SLC12A5: variants seen among roughly 807,000 people sequenced by gnomAD.
SLC12A5 encodes solute carrier family 12 member 5, also known as K-Cl cotransporter 2.
SLC12A5 carries 18 observed loss-of-function variants against 124.0 expected under a neutral mutation model. That is an observed-to-expected ratio of 0.15 (90% CI 0.10 to 0.22). SLC12A5 has a LOEUF of 0.22. Among genes scored for constraint, SLC12A5 ranks in the 10% least tolerant of loss-of-function variants. The pLI is 1.00. For synonymous variants in SLC12A5, 589 were observed against 568.0 expected, an observed-to-expected ratio of 1.04 and a Z score of -0.53; for missense variants, 867 against 1,478.7, an observed-to-expected ratio of 0.59 and a Z score of 6.78.
intron 18 of SLC12A5, among the ~76,000 whole-genome samples, chr20:46,052,661 T>G (rs1224952596): frequency 6.6e-6 from 1 of 152,232 alleles, no homozygotes; most frequent in African/African-American, 2.4e-5. Context: ...TTGGGAGGAT[T>G]CAGTGTGGTC....
At chr20:46,031,613 C>T (rs1295345083) in intron 1 of SLC12A5, among the ~76,000 whole-genome samples, 3 of 152,212 alleles carry the variant, frequency 2.0e-5, no homozygotes, top group Admixed American at 2.0e-4. Flanking sequence ...TCTTCTTTCT[C>T]CTTGGGGTCT....
Position 46,034,963 on chromosome 20 carries a change from A to G in SLC12A5, c.68A>G (p.Lys23Arg). 1 of 1,614,052 alleles carries G rather than the reference A, an allele frequency of 6.2e-7. No individual in the cohort carries two copies. The highest frequency in any genetic ancestry group is 1.3e-5 in the African/African-American group (1 of 75,022). Residue 23 changes from lysine (K) to arginine (R), a missense_variant, in exon 2 of 26, where the codon AAG (lysine) becomes AGG (arginine). Lys to Arg is a conservative substitution (Grantham distance 26). This residue lies in a region of SLC12A5 where 58 missense variants were observed against 52.2 expected (regional missense o/e 1.11). Coordinates refer to ENST00000243964, the MANE Select transcript of SLC12A5 (RefSeq NM_020708.5). Reference protein sequence around the residue: ...GGANPGDGNPKESSPFINSTD... With the variant: ...GGANPGDGNPRESSPFINSTD... Reference sequence around the variant, plus strand: ...CCCTTCTCAGGTGATGGCAACCCCAAGGAAAGCAGTCCCTTCATCAACAGC... The same window carrying G: ...CCCTTCTCAGGTGATGGCAACCCCAGGGAAAGCAGTCCCTTCATCAACAGC...
At position 46,056,525 on chromosome 20, in the gene SLC12A5, T is replaced by G; in HGVS notation, c.3071T>G (p.Val1024Gly). 1.2e-6 allele frequency: 2 copies of G among 1,614,076 alleles called. No individual in the cohort carries two copies. The highest frequency in any genetic ancestry group is 1.7e-6 in the Non-Finnish European group (2 of 1,179,982). Residue 1024 changes from valine to glycine, a missense_variant, in exon 23 of 26, where the codon GTC becomes GGC. This residue lies in a region of SLC12A5 where 180 missense variants were observed against 243.6 expected (regional missense o/e 0.74). Coordinates refer to ENST00000243964, the MANE Select transcript of SLC12A5 (RefSeq NM_020708.5). The surrounding 1 kb of genome is among the most constrained non-coding windows in gnomAD (Gnocchi z 4.3). ...VAEKNKGPSP[V>G]SSEGIKDFFS... ...GAGAAGAATAAGGGCCCCAGTCCTGTCTCCTCTGAGGGCATCAAGGACTTC... is the reference window on the plus strand; with the variant it reads ...GAGAAGAATAAGGGCCCCAGTCCTGGCTCCTCTGAGGGCATCAAGGACTTC...
In SLC12A5 at chr20:46,029,686, T is replaced by C. The variant is rs1344383307; in HGVS notation, c.52+290T>C. ...AACCGAGGAGGCGGTGGGAAGGGGA[T>C]AGAAGACCTAGAATGGGCTGATGTG... is the stretch of plus-strand genomic sequence containing the variant. On this transcript the variant is annotated intron_variant, in intron 1 of 25. Coordinates refer to ENST00000243964, the MANE Select transcript of SLC12A5 (RefSeq NM_020708.5). Among the ~76,000 whole-genome samples, 3 of 152,184 alleles carry C rather than the reference T, an allele frequency of 2.0e-5. No individual in the cohort carries two copies. In the East Asian group the frequency reaches 5.8e-4, roughly 30 times the overall value.
rs559081195 is a variant in SLC12A5 at position 46,056,691 on chromosome 20, G to T, written c.3110+127G>T. 3 of 1,181,488 alleles carry T rather than the reference G, an allele frequency of 2.5e-6. No homozygotes were observed. The highest frequency in any genetic ancestry group is 2.4e-6 in the Non-Finnish European group (2 of 836,200). 73.2% of individuals were successfully genotyped at this position (1,181,488 alleles called of 1,614,324 possible). A position where few individuals can be genotyped will look rare whatever the true frequency, so the allele number is the denominator to read the frequency against. On this transcript the variant is annotated intron_variant, in intron 23 of 25. Transcript: ENST00000243964. This position sits in a 1 kb window ranked among gnomAD's most constrained non-coding sequence, Gnocchi z 4.3. ...GCAGACCCAGCTCAGACATTGTCTT[G>T]GTTTCTCCATCTGAGGACTTAGGGG... is the stretch of plus-strand genomic sequence containing the variant.
At position 46,045,256 on chromosome 20, in the gene SLC12A5, T is replaced by C; in HGVS notation, c.1569+116T>C. On this transcript the variant is annotated intron_variant, in intron 12 of 25. Transcript: ENST00000243964. The surrounding 1 kb of genome is among the most constrained non-coding windows in gnomAD (Gnocchi z 4.9). ...CTTAGACTACCTCCTGGGCCACTTC[T>C]GCTCTGTACTGCACTGGCCAGGCCT... The C allele has an allele frequency of 5.0e-6, 6 of 1,202,672 alleles. No individual in the cohort carries two copies. The South Asian group carries it at 9.4e-5, about 19-fold the overall frequency. 74.5% of individuals were successfully genotyped at this position (1,202,672 alleles called of 1,614,324 possible).
rs1234246697 is a variant in SLC12A5 at position 46,048,094 on chromosome 20, T to C, written c.2012+9T>C. The C allele has an allele frequency of 1.2e-6, 2 of 1,605,888 alleles. No homozygotes were observed. The highest frequency in any genetic ancestry group is 4.5e-5 in the East Asian group (2 of 44,704). On this transcript the variant is annotated intron_variant, in intron 16 of 25. Transcript: ENST00000243964. ...CACACCAAGAACTGGAGGTTAGTGG[T>C]GAGGGCACGGGTGTGCATAAGAGTG...
Position 46,045,132 on chromosome 20 carries a change from T to C in SLC12A5, c.1561T>C (p.Phe521Leu), listed in dbSNP as rs1227847406. Reference protein sequence around the residue: ...QAISRDGIVPFLQVFGHGKAN... With the variant: ...QAISRDGIVPLLQVFGHGKAN... ...CATCTCGAGGGATGGCATTGTGCCC[T>C]TCCTGCAGGTCAGTGTGGGAGAAGA... is the stretch of plus-strand genomic sequence containing the variant. The change falls in exon 12 of 26, where the codon TTC (phenylalanine) becomes CTC (leucine). Residue 521 changes from phenylalanine to leucine, a missense_variant. This residue lies in a region of SLC12A5 where 152 missense variants were observed against 358.7 expected (regional missense o/e 0.42). Coordinates refer to ENST00000243964, the MANE Select transcript of SLC12A5 (RefSeq NM_020708.5). This position sits in a 1 kb window ranked among gnomAD's most constrained non-coding sequence, Gnocchi z 4.9. The C allele has an allele frequency of 6.3e-7, 1 of 1,581,756 alleles. No individual in the cohort carries two copies. Among genetic ancestry groups the C allele is most frequent in the Non-Finnish European group, 8.6e-7 (1 of 1,164,878 alleles).
intron 6 of SLC12A5, 41 bp downstream of exon 6, chr20:46,037,426 CAG>C: frequency 6.3e-7 from 1 of 1,576,822 alleles, no homozygotes; most frequent in Non-Finnish European, 8.6e-7. Flanking sequence ...CCCAGGTTGT[CAG>C]TCAGTTAATC....
chr20:46,039,785 A>C (rs12480918), intron 6 of SLC12A5, among the ~76,000 whole-genome samples: 5,183 of 152,016 alleles, frequency 0.034, 185 homozygotes, highest in Admixed American at 0.12. Flanking sequence ...CAAAAAAAAA[A>C]CAAAAAAACC....
chr20:46,051,888 T>TG lies in SLC12A5; in HGVS notation c.2377+22dup. 1 of 340,860 alleles carries TG rather than the reference T, an allele frequency of 2.9e-6. No individual in the cohort carries two copies. Among genetic ancestry groups the TG allele is most frequent in the African/African-American group, 6.8e-5 (1 of 14,750 alleles). The allele number at this position is 340,860 out of a possible 1,614,324, so 21.1% of individuals were successfully genotyped here. A position where few individuals can be genotyped will look rare whatever the true frequency, so the allele number is the denominator to read the frequency against. The stretch of plus-strand genomic sequence containing the variant: ...CTTCATTGGTAACGCTATTGGGGGC[T>TG]GGGGACAGAAGAGGGGTGGGGCTGG... On this transcript the variant is annotated intron_variant, in intron 18 of 25. Transcript: ENST00000243964.
chr20:46,036,068 ACTGGTCCTTC>A, intron 4 of SLC12A5, 145 bp downstream of exon 4: 1 of 1,008,852 alleles, frequency 9.9e-7, no homozygotes, highest in South Asian at 1.9e-5. Context: ...ATTAGGCCTG[ACTGGTCCTTC>A]CTGCATCTCA....
intron 1 of SLC12A5, among the ~76,000 whole-genome samples, chr20:46,032,872 G>C (rs1337487189): frequency 6.6e-6 from 1 of 152,200 alleles, no homozygotes; most frequent in Non-Finnish European, 1.5e-5. Context: ...GCTCTTCTGA[G>C]ACCCTGGGGT....
In SLC12A5 at chr20:46,037,439, A is replaced by G. The variant is rs938432133; in HGVS notation, c.612+54A>G. 3.9e-6 allele frequency: 6 copies of G among 1,557,260 alleles called. No homozygotes were observed. The East Asian group carries it at 1.4e-4, about 36-fold the overall frequency. ...ACCCCAGGTTGTCAGTCAGTTAATC[A>G]GTGCTCCCTGGACACCTCCTATAGG... is the stretch of plus-strand genomic sequence containing the variant. On this transcript the variant is annotated intron_variant, in intron 6 of 25. Coordinates refer to ENST00000243964, the MANE Select transcript of SLC12A5 (RefSeq NM_020708.5).
Position 46,059,877 on chromosome 20 carries a change from T to C in SLC12A5, c.*2272T>C. The C allele has an allele frequency of 7.9e-6, 3 of 378,768 alleles. No individual in the cohort carries two copies. Among genetic ancestry groups the C allele is most frequent in the Non-Finnish European group, 1.4e-5 (3 of 213,760 alleles). The allele number at this position is 378,768 out of a possible 1,614,324, so 23.5% of individuals were successfully genotyped here. A position where few individuals can be genotyped will look rare whatever the true frequency, so the allele number is the denominator to read the frequency against. Reference sequence around the variant, plus strand: ...AATGCAATGAAGTTGAAAACCCTTGTAAATAGGAGAGGTTGCAAACCAAAT... The same window carrying C: ...AATGCAATGAAGTTGAAAACCCTTGCAAATAGGAGAGGTTGCAAACCAAAT... On this transcript the variant is annotated 3_prime_UTR_variant, in exon 26 of 26. Coordinates refer to ENST00000243964, the MANE Select transcript of SLC12A5 (RefSeq NM_020708.5).
At chr20:46,021,893 G>A (rs775004202) in intron 1 of SLC12A5, 1 of 1,521,436 alleles carries the variant, frequency 6.6e-7, no homozygotes, top group South Asian at 1.2e-5. Context: ...AAAGGTAGAG[G>A]CCGCAGGGGG....
chr20:46,022,799 T>C (rs2084365941), intron 1 of SLC12A5: 1 of 398,946 alleles, frequency 2.5e-6, no homozygotes, highest in African/African-American at 2.1e-5. Context: ...GGAAAGATCC[T>C]TCTGGCCTTC....
Position 46,053,824 on chromosome 20 carries a change from C to G in SLC12A5, c.2679+115C>G, listed in dbSNP as rs906772138. The G allele has an allele frequency of 9.3e-6, 11 of 1,181,354 alleles. No individual in the cohort carries two copies. The East Asian group carries it at 2.9e-4, about 31-fold the overall frequency. 73.2% of individuals were successfully genotyped at this position (1,181,354 alleles called of 1,614,324 possible). On this transcript the variant is annotated intron_variant, in intron 20 of 25. Coordinates refer to ENST00000243964, the MANE Select transcript of SLC12A5 (RefSeq NM_020708.5). This position sits in a 1 kb window ranked among gnomAD's most constrained non-coding sequence, Gnocchi z 4.7. Reference sequence around the variant, plus strand: ...GCTTATGATGCTGGATCCTTTCCCCCTCATCCATCTCTTAGCCTCTCACAT... The same window carrying G: ...GCTTATGATGCTGGATCCTTTCCCCGTCATCCATCTCTTAGCCTCTCACAT...
chr20:46,035,146 C>T, intron 2 of SLC12A5, 104 bp downstream of exon 2: 1 of 1,213,326 alleles, frequency 8.2e-7, no homozygotes, highest in Non-Finnish European at 1.2e-6. Context: ...GTCTCCACCC[C>T]TCCCTTGAGT....
Sources: allele counts gnomAD v4.1 joint callset (sites outside exome capture counted in the v4.1 genomes callset), GRCh38; gene constraint gnomAD v4.1.1; regional missense constraint gnomAD v4.1.1; non-coding constraint Gnocchi (gnomAD v3.1); transcripts MANE v1.5; gene names NCBI Gene and HGNC (gene_info 2026-07-23, HGNC 2026-07-21).